Variants in MMD observed in about 807,000 individuals in gnomAD.
MMD encodes monocyte to macrophage differentiation associated.
Under a neutral mutation model 33.6 loss-of-function variants are expected in MMD, and 22 were observed. The ratio of observed to expected loss-of-function variants is 0.66; its 90% CI spans 0.47 to 0.94. The LOEUF (loss-of-function observed/expected upper bound fraction) is 0.94. MMD is among the 40% of genes least tolerant of loss of function. MMD has a pLI of 0.00. For missense variants in MMD, 242 were observed against 309.8 expected (o/e 0.78, Z 1.64); for synonymous variants, 97 against 103.2 (o/e 0.94, Z 0.36).
chr17:55,407,299 AAAATAAATAAATAAATAAATAAAT>A (rs59882220), intron 4 of MMD, among the ~76,000 whole-genome samples: 3 of 142,578 alleles, frequency 2.1e-5, no homozygotes, highest in South Asian at 2.2e-4. Context: ...ACTCCATCTC[AAAATAAATAAATAAATAAATAAAT>A]AAATAAATAA....
chr17:55,421,017 A>T (rs1908165201), intron 1 of MMD, among the ~76,000 whole-genome samples: 1 of 152,156 alleles, frequency 6.6e-6, no homozygotes, highest in Non-Finnish European at 1.5e-5. Context: ...CGCCACCCGA[A>T]AGCTAACATG....
At chr17:55,396,195 T>C (rs986962444) in intron 6 of MMD, among the ~76,000 whole-genome samples, 4 of 152,114 alleles carry the variant, frequency 2.6e-5, no homozygotes, top group Non-Finnish European at 5.9e-5. Context: ...AAAACAGAAT[T>C]TTTTTTTCAT....
At chr17:55,412,782 C>T (rs185575121) in intron 2 of MMD, among the ~76,000 whole-genome samples, 217 of 152,192 alleles carry the variant, frequency 1.4e-3, no homozygotes, top group South Asian at 6.2e-3. Flanking sequence ...GTCTATGGCT[C>T]GCCTTCCTAT....
chr17:55,411,136 T>C, intron 3 of MMD, 121 bp downstream of exon 3: 3 of 1,165,552 alleles, frequency 2.6e-6, no homozygotes, highest in South Asian at 1.6e-5. Flanking sequence ...TATTCTAGTC[T>C]ACAAGGCAGA....
At chr17:55,411,780 T>C (rs780624830) in intron 2 of MMD, among the ~76,000 whole-genome samples, 4 of 152,142 alleles carry the variant, frequency 2.6e-5, no homozygotes, top group Non-Finnish European at 5.9e-5. Flanking sequence ...ACTTAAAATA[T>C]TCAAATGCCA....
chr17:55,403,686 TA>T, intron 5 of MMD, 80 bp downstream of exon 5: 1 of 985,458 alleles, frequency 1.0e-6, no homozygotes, highest in East Asian at 2.6e-5. Flanking sequence ...GAAGTACAAA[TA>T]AAAGTAAATT....
chr17:55,421,029 C>T (rs1908165465), intron 1 of MMD, among the ~76,000 whole-genome samples: 1 of 152,216 alleles, frequency 6.6e-6, no homozygotes, highest in African/African-American at 2.4e-5. Context: ...GCTAACATGC[C>T]CCTTCGCAGA....
intron 1 of MMD, among the ~76,000 whole-genome samples, chr17:55,414,599 C>CAT (rs1491176690): frequency 7.6e-6 from 1 of 132,290 alleles, no homozygotes; most frequent in Non-Finnish European, 1.7e-5. Context: ...CACACACACA[C>CAT]GGTACAACTA....
chr17:55,396,943 T>C (rs1040997576), intron 6 of MMD, among the ~76,000 whole-genome samples: 2 of 152,170 alleles, frequency 1.3e-5, no homozygotes, highest in Non-Finnish European at 2.9e-5. Flanking sequence ...GATTACAGTG[T>C]GCATCCTTAG....
chr17:55,395,851 G>T (rs1907079005), intron 6 of MMD, among the ~76,000 whole-genome samples: 2 of 152,192 alleles, frequency 1.3e-5, no homozygotes, highest in African/African-American at 4.8e-5. Context: ...GTATTTGTGT[G>T]TGTATTAGGA....
intron 6 of MMD, among the ~76,000 whole-genome samples, chr17:55,397,150 GC>G: frequency 6.6e-6 from 1 of 152,074 alleles, no homozygotes; most frequent in South Asian, 2.1e-4. Flanking sequence ...ATCATTTCTA[GC>G]AATCCTGGTT....
chr17:55,414,069 C>T (rs746839587), intron 2 of MMD, 82 bp downstream of exon 2: 6 of 1,321,878 alleles, frequency 4.5e-6, no homozygotes, highest in South Asian at 1.2e-5. Flanking sequence ...ACTAATTGTG[C>T]TGAGGTTACT....
intron 3 of MMD, 145 bp from the exon 4 acceptor site, chr17:55,407,965 G>T: frequency 1.7e-6 from 1 of 585,228 alleles, no homozygotes; most frequent in Non-Finnish European, 2.8e-6. Context: ...ACAGATTTTT[G>T]TTGCTGTTAA....
At chr17:55,400,286 G>A (rs1051014556) in intron 6 of MMD, among the ~76,000 whole-genome samples, 6 of 152,136 alleles carry the variant, frequency 3.9e-5, no homozygotes, top group African/African-American at 1.2e-4. Context: ...GATGGCTTAC[G>A]CATATAATCT....
chr17:55,396,618 T>G (rs1019322202), intron 6 of MMD, among the ~76,000 whole-genome samples: 1 of 151,986 alleles, frequency 6.6e-6, no homozygotes, highest in Non-Finnish European at 1.5e-5. Flanking sequence ...TGGTGGTGGT[T>G]ATTCTTTTTT....
intron 3 of MMD, 150 bp from the exon 4 acceptor site, chr17:55,407,970 T>C: frequency 1.7e-6 from 1 of 576,384 alleles, no homozygotes; most frequent in South Asian, 2.6e-5. Context: ...TTTTTGTTGC[T>C]GTTAATGTTA....
intron 3 of MMD, among the ~76,000 whole-genome samples, chr17:55,409,416 A>ATACC (rs1490916491): frequency 6.6e-6 from 1 of 152,192 alleles, no homozygotes; most frequent in Non-Finnish European, 1.5e-5. Flanking sequence ...TAGAGTAGGT[A>ATACC]GACAACAGAC....
rs573548828 is a variant in MMD, at chr17:55,392,745, A to G, written c.*1589T>C. 3.3e-5 allele frequency: 5 copies of G among 152,710 alleles called. No individual in the cohort carries two copies. The highest frequency in any genetic ancestry group is 1.2e-4 in the African/African-American group (5 of 41,574). The allele number at this position is 152,710 out of a possible 1,614,324, so 9.5% of individuals were successfully genotyped here. ...AAAGTTAATATATTAAAAATAAAAT[A>G]TACACAGTAAAACAACAGGCATCCA... On this transcript the variant is annotated 3_prime_UTR_variant, in exon 7 of 7. Coordinates refer to ENST00000262065, the MANE Select transcript of MMD (RefSeq NM_012329.3).
rs533117537 is a variant in MMD at position 55,397,557 on chromosome 17, T to G, written c.517-3023A>C. 2.0e-5 allele frequency among the ~76,000 whole-genome samples: 3 copies of G among 150,748 alleles called. No individual in the cohort carries two copies. The South Asian group carries it at 6.3e-4, about 32-fold the overall frequency. The stretch of plus-strand genomic sequence containing the variant: ...TATTTATTTTTGAGATGGAGTCTCA[T>G]GTTGTTGCCTAGGCTGGAGTGCAGT... On this transcript the variant is annotated intron_variant, in intron 6 of 6. Coordinates refer to ENST00000262065, the MANE Select transcript of MMD (RefSeq NM_012329.3).
Sources: gnomAD v4.1 joint callset for allele counts (sites outside exome capture counted in the v4.1 genomes callset) on GRCh38, gnomAD v4.1.1 for gene constraint, MANE v1.5 for transcripts, NCBI Gene and HGNC (gene_info 2026-07-23, HGNC 2026-07-21) for gene names.